The following CACNA1C variants were observed in gnomAD, a reference collection of about 807,000 sequenced individuals.
CACNA1C encodes voltage-dependent L-type calcium channel subunit alpha-1C.
A neutral mutation model predicts 229.0 loss-of-function variants in CACNA1C; 30 were observed. The observed-to-expected ratio is 0.13, with a 90% confidence interval of 0.10 to 0.18. The LOEUF is 0.18. Among genes scored for constraint, CACNA1C ranks in the 10% least tolerant of loss-of-function variants. CACNA1C has a pLI of 1.00. For missense variants in CACNA1C, 1,658 were observed against 2,845.0 expected, an observed-to-expected ratio of 0.58 and a Z score of 9.49; for synonymous variants, 1,114 against 1,132.5, an observed-to-expected ratio of 0.98 and a Z score of 0.33.
chr12:2,446,241 G>A (rs1166927715), intron 3 of CACNA1C, among the ~76,000 whole-genome samples: 6 of 145,208 alleles, frequency 4.1e-5, no homozygotes, highest in Non-Finnish European at 9.2e-5. Context: ...ATGGGTAGGT[G>A]GGTGGATAGA....
At chr12:2,060,365 G>C (rs1049658598) in intron 1 of CACNA1C, among the ~76,000 whole-genome samples, 2 of 152,168 alleles carry the variant, frequency 1.3e-5, no homozygotes, top group Non-Finnish European at 2.9e-5. Context: ...TGAGCTGGGC[G>C]ACCAAGGGCG....
At chr12:2,525,509 C>T (rs900538725) in intron 9 of CACNA1C, among the ~76,000 whole-genome samples, 2 of 152,188 alleles carry the variant, frequency 1.3e-5, no homozygotes, top group African/African-American at 4.8e-5. Context: ...CTGCCTGCTC[C>T]TTGGTGGGAT....
chr12:2,578,107 A>C (rs2059196439), intron 13 of CACNA1C, among the ~76,000 whole-genome samples: 1 of 151,900 alleles, frequency 6.6e-6, no homozygotes, highest in African/African-American at 2.4e-5. Context: ...TGACCTCGTG[A>C]TCCGCCCGCC....
At chr12:2,498,654 C>T (rs1047789448) in intron 7 of CACNA1C, among the ~76,000 whole-genome samples, 20 of 152,216 alleles carry the variant, frequency 1.3e-4, no homozygotes, top group African/African-American at 4.3e-4. Flanking sequence ...CACAGCTGAG[C>T]CATGGGGGTC....
chr12:2,621,269 T>A (rs764189497), intron 29 of CACNA1C, among the ~76,000 whole-genome samples: 9 of 151,770 alleles, frequency 5.9e-5, no homozygotes, highest in Non-Finnish European at 1.2e-4. Context: ...AGAGTGTGAG[T>A]GAAGAGGCAC....
At chr12:2,398,729 G>A (rs1337893124) in intron 3 of CACNA1C, among the ~76,000 whole-genome samples, 1 of 152,198 alleles carries the variant, frequency 6.6e-6, no homozygotes, top group East Asian at 1.9e-4. Flanking sequence ...GAGAGGATGT[G>A]TGGGGTCTAA....
chr12:1,976,918 A>G (rs560131639), intron 1 of CACNA1C, among the ~76,000 whole-genome samples: 1 of 152,186 alleles, frequency 6.6e-6, no homozygotes, highest in African/African-American at 2.4e-5. Context: ...AAAAGGGAAG[A>G]AGAAAAGTCT....
chr12:2,528,068 C>G (rs2099826793), intron 9 of CACNA1C, among the ~76,000 whole-genome samples: 1 of 152,178 alleles, frequency 6.6e-6, no homozygotes, highest in Admixed American at 6.5e-5. Context: ...GTTGAGAATA[C>G]AGCAATCTGG....
At chr12:2,516,015 A>G (rs1372901084) in intron 9 of CACNA1C, among the ~76,000 whole-genome samples, 1 of 148,194 alleles carries the variant, frequency 6.7e-6, no homozygotes, top group African/African-American at 2.6e-5. Flanking sequence ...ATTCTAGTAG[A>G]GAGACAGGTG....
chr12:2,427,911 C>T (rs552362717), intron 3 of CACNA1C, among the ~76,000 whole-genome samples: 14 of 152,240 alleles, frequency 9.2e-5, no homozygotes, highest in Non-Finnish European at 1.6e-4. Context: ...TGAGCCACCG[C>T]GCCTGGCCAT....
rs950744038 is a variant in CACNA1C, at chr12:2,633,389, G to A, written c.3829-908G>A. Among the ~76,000 whole-genome samples, 1 of 152,200 alleles carries A rather than the reference G, an allele frequency of 6.6e-6. No homozygotes were observed. Among genetic ancestry groups the A allele is most frequent in the Non-Finnish European group, 1.5e-5 (1 of 68,040 alleles). ...CCTCTGTGGAGAAGGGGTAGGGTGG[G>A]TGGATCTGTAGGATGGGGGCCACGT... On this transcript the variant is annotated intron_variant, in intron 29 of 46. Coordinates refer to ENST00000399655, the MANE Select transcript of CACNA1C (RefSeq NM_000719.7). The surrounding 1 kb of genome is among the most constrained non-coding windows in gnomAD (Gnocchi z 5.8).
At chr12:2,038,885 A>G (rs2049603694) in intron 1 of CACNA1C, among the ~76,000 whole-genome samples, 1 of 152,088 alleles carries the variant, frequency 6.6e-6, no homozygotes, top group Non-Finnish European at 1.5e-5. Flanking sequence ...AGGTATGTTG[A>G]CAGGTGAAAT....
At chr12:2,162,254 A>G (rs1401364351) in intron 3 of CACNA1C, among the ~76,000 whole-genome samples, 1 of 150,156 alleles carries the variant, frequency 6.7e-6, no homozygotes, top group African/African-American at 2.5e-5. Flanking sequence ...CCTGACCACC[A>G]CCCCCTCCCA....
At chr12:2,452,307 TG>T (rs1163427022) in intron 4 of CACNA1C, among the ~76,000 whole-genome samples, 4 of 152,130 alleles carry the variant, frequency 2.6e-5, no homozygotes, top group African/African-American at 4.8e-5. Context: ...ACAGAGGGAC[TG>T]TGGCGGCCTC....
At chr12:2,060,120 A>G (rs2056902704) in intron 1 of CACNA1C, among the ~76,000 whole-genome samples, 1 of 152,230 alleles carries the variant, frequency 6.6e-6, no homozygotes, top group African/African-American at 2.4e-5. Flanking sequence ...GTCTGCAAAC[A>G]GATCTGCCTC....
intron 3 of CACNA1C, among the ~76,000 whole-genome samples, chr12:2,207,872 A>G (rs886692259): frequency 2.6e-5 from 4 of 152,212 alleles, no homozygotes; most frequent in Admixed American, 2.6e-4. Flanking sequence ...CGTTTCCCAC[A>G]GAACATCTGA....
At chr12:2,682,526 T>C in intron 42 of CACNA1C, 24 bp from the exon 43 acceptor site, 1 of 1,608,406 alleles carries the variant, frequency 6.2e-7, no homozygotes, top group Non-Finnish European at 8.5e-7. Context: ...TTTCTGATGT[T>C]TTTCTTCATC....
intron 3 of CACNA1C, among the ~76,000 whole-genome samples, chr12:2,250,288 C>T (rs962204345): frequency 7.9e-5 from 12 of 152,192 alleles, no homozygotes; most frequent in African/African-American, 2.4e-4. Context: ...CAACCCTGGG[C>T]CGTTCACCTC....
At chr12:2,503,635 C>T (rs557951056) in intron 7 of CACNA1C, among the ~76,000 whole-genome samples, 63 of 152,312 alleles carry the variant, frequency 4.1e-4, no homozygotes, top group South Asian at 1.7e-3. Context: ...GTGTGGTCAA[C>T]GAACACGGAG....
Sources: gnomAD v4.1 joint callset for allele counts (sites outside exome capture counted in the v4.1 genomes callset) on GRCh38, gnomAD v4.1.1 for gene constraint, Gnocchi (gnomAD v3.1) non-coding constraint, MANE v1.5 for transcripts, NCBI Gene and HGNC (gene_info 2026-07-23, HGNC 2026-07-21) for gene names.